Variants in RTL4 observed in about 807,000 individuals in gnomAD.
RTL4 encodes the protein retrotransposon Gag-like protein 4.
A neutral mutation model predicts 5.3 loss-of-function variants in RTL4; 4 were observed. The observed-to-expected ratio is 0.75, with a 90% CI of 0.37 to 1.72. RTL4 has a LOEUF of 1.72. RTL4 is among the 40% of genes most tolerant of loss of function. The probability of loss-of-function intolerance (pLI) is 0.04; values close to 1 mark genes in which losing one functional copy is unlikely to be tolerated. For synonymous variants in RTL4, 98 were observed against 87.3 expected, an observed-to-expected ratio of 1.12 and a Z score of -0.68; for missense variants, 260 against 227.1, an observed-to-expected ratio of 1.14 and a Z score of -0.93.
At chrX:112,413,962 A>G in the RTL4 span, among the ~76,000 whole-genome samples, 1 of 111,149 alleles carries the variant, frequency 9.0e-6, no homozygotes, top group African/African-American at 3.3e-5. Context: ...AACCCCATAA[A>G]TATATATACC....
At chrX:112,156,039 G>T in the RTL4 span, among the ~76,000 whole-genome samples, 3 of 112,251 alleles carry the variant, frequency 2.7e-5, no homozygotes, top group Admixed American at 2.8e-4. Flanking sequence ...ATTGGCCATT[G>T]TGTTGGCTAT....
At chrX:112,421,013 T>A in the RTL4 span, among the ~76,000 whole-genome samples, 1 of 111,856 alleles carries the variant, frequency 8.9e-6, no homozygotes, top group African/African-American at 3.3e-5. Flanking sequence ...CCAGGTGAGA[T>A]TAACACTTCC....
At chrX:112,388,593 C>G in the RTL4 span, among the ~76,000 whole-genome samples, 58 of 111,763 alleles carry the variant, frequency 5.2e-4, no homozygotes, top group African/African-American at 1.0e-3. Flanking sequence ...TACTTTGATA[C>G]CTAGTTTATT....
At chrX:112,127,342 T>C in the RTL4 span, among the ~76,000 whole-genome samples, 2 of 111,132 alleles carry the variant, frequency 1.8e-5, no homozygotes, top group Admixed American at 9.6e-5. Flanking sequence ...TCTGAACTGA[T>C]GCAGGAAAAG....
At chrX:112,395,726 G>A in the RTL4 span, among the ~76,000 whole-genome samples, 6 of 111,151 alleles carry the variant, frequency 5.4e-5, no homozygotes, top group Admixed American at 1.9e-4. Flanking sequence ...GTGCATAAAC[G>A]GCTTCAGAGA....
chrX:112,133,115 A>G, the RTL4 span, among the ~76,000 whole-genome samples: 1 of 112,132 alleles, frequency 8.9e-6, no homozygotes, highest in African/African-American at 3.2e-5. Context: ...TGTTGGACAA[A>G]GAAGAGCCAA....
the RTL4 span, among the ~76,000 whole-genome samples, chrX:112,132,525 A>ATACC: frequency 9.0e-6 from 1 of 111,561 alleles, no homozygotes; most frequent in Non-Finnish European, 1.9e-5. Flanking sequence ...ACATACATAC[A>ATACC]TACATACAAA....
At chrX:112,182,600 G>A in the RTL4 span, among the ~76,000 whole-genome samples, 2 of 111,729 alleles carry the variant, frequency 1.8e-5, no homozygotes, top group Admixed American at 9.5e-5. Flanking sequence ...AATAAAGTGT[G>A]AAGACAAGAT....
upstream of RTL4, among the ~76,000 whole-genome samples, chrX:112,452,193 C>T (rs895109880): frequency 2.9e-5 from 3 of 104,508 alleles, no homozygotes; most frequent in Non-Finnish European, 5.8e-5. Flanking sequence ...CAGGTTCAAG[C>T]GATTCTCCTG....
the RTL4 span, among the ~76,000 whole-genome samples, chrX:112,417,530 C>A: frequency 1.8e-5 from 2 of 111,573 alleles, no homozygotes; most frequent in Admixed American, 9.5e-5. Context: ...TGCTATCACC[C>A]AAAAAATCCA....
the RTL4 span, among the ~76,000 whole-genome samples, chrX:112,179,678 A>T: frequency 8.9e-6 from 1 of 112,458 alleles, no homozygotes; most frequent in Admixed American, 9.4e-5. Flanking sequence ...GCCAGGTGCT[A>T]TTCTAGGCAT....
the RTL4 span, among the ~76,000 whole-genome samples, chrX:112,100,855 G>T: frequency 2.7e-5 from 3 of 111,331 alleles, no homozygotes; most frequent in Non-Finnish European, 5.7e-5. Flanking sequence ...TTTTATTTTG[G>T]GTGTCAATAT....
chrX:112,305,955 C>G, the RTL4 span, among the ~76,000 whole-genome samples: 2 of 111,572 alleles, frequency 1.8e-5, no homozygotes, highest in East Asian at 5.6e-4. Flanking sequence ...TACTGTATCA[C>G]CTGGAGTAGC....
At chrX:112,449,338 G>C in the RTL4 span, among the ~76,000 whole-genome samples, 1 of 111,750 alleles carries the variant, frequency 8.9e-6, no homozygotes, top group Non-Finnish European at 1.9e-5. Flanking sequence ...CCAGTCCACT[G>C]TTTACAGGGG....
chrX:112,169,092 C>CTTT, the RTL4 span, among the ~76,000 whole-genome samples: 1,034 of 37,828 alleles, frequency 0.027, 18 homozygotes, highest in Middle Eastern at 0.068. Context: ...TCTTTTCTTT[C>CTTT]TTTCTTTCTT....
chrX:112,342,021 G>A, the RTL4 span, among the ~76,000 whole-genome samples: 1 of 110,962 alleles, frequency 9.0e-6, no homozygotes, highest in Non-Finnish European at 1.9e-5. Flanking sequence ...GACTCCGGGG[G>A]CCTAACATAA....
chrX:112,437,633 A>G, the RTL4 span, among the ~76,000 whole-genome samples: 1 of 111,403 alleles, frequency 9.0e-6, no homozygotes, highest in Non-Finnish European at 1.9e-5. Flanking sequence ...TCATGGAGGG[A>G]TCTGCAGCAA....
the RTL4 span, among the ~76,000 whole-genome samples, chrX:112,259,236 A>G: frequency 1.1e-4 from 12 of 111,781 alleles, no homozygotes; most frequent in Admixed American, 6.7e-4. Context: ...TTGAATTCAC[A>G]TATTCAAGAA....
the RTL4 span, among the ~76,000 whole-genome samples, chrX:112,436,239 C>T: frequency 9.8e-4 from 106 of 108,395 alleles, 2 homozygotes; most frequent in African/African-American, 3.5e-3. Context: ...AAAAAAAAAA[C>T]TACCATACTA....
Sources: gnomAD v4.1 joint callset for allele counts (sites outside exome capture counted in the v4.1 genomes callset) on GRCh38, gnomAD v4.1.1 for gene constraint, MANE v1.5 for transcripts, NCBI Gene and HGNC (gene_info 2026-07-23, HGNC 2026-07-21) for gene names.